Variants in SLC9B2 observed in about 807,000 individuals in gnomAD.
SLC9B2 encodes solute carrier family 9 member B2, also known as sodium/hydrogen exchanger 9B2.
Under a neutral mutation model 52.2 loss-of-function variants are expected in SLC9B2, and 39 were observed. The observed-to-expected ratio is 0.75, with a 90% confidence interval of 0.58 to 0.98. The LOEUF is 0.98. SLC9B2 is among the 50% of genes least tolerant of loss of function. The pLI, the probability that SLC9B2 is intolerant of heterozygous loss-of-function variation, is 0.00. For missense variants in SLC9B2, 626 were observed against 637.5 expected (o/e 0.98, Z 0.19); for synonymous variants, 214 against 227.0 (o/e 0.94, Z 0.51).
intron 10 of SLC9B2, among the ~76,000 whole-genome samples, chr4:103,029,617 T>C (rs889402604): frequency 6.6e-6 from 1 of 152,128 alleles, no homozygotes; most frequent in African/African-American, 2.4e-5. Flanking sequence ...TGTAGAATTC[T>C]TTGCTGATAA....
At chr4:103,041,052 C>T (rs1318471924) in intron 9 of SLC9B2, among the ~76,000 whole-genome samples, 2 of 152,106 alleles carry the variant, frequency 1.3e-5, no homozygotes, top group Admixed American at 6.6e-5. Flanking sequence ...ATGGATAGAA[C>T]TCTAGAAAGC....
At chr4:103,061,627 C>T (rs1437090086) in intron 3 of SLC9B2, among the ~76,000 whole-genome samples, 1 of 151,856 alleles carries the variant, frequency 6.6e-6, no homozygotes, top group Non-Finnish European at 1.5e-5. Flanking sequence ...ACCTGGACGT[C>T]GTGCACATGT....
intron 7 of SLC9B2, among the ~76,000 whole-genome samples, chr4:103,045,623 G>A (rs1010419791): frequency 1.3e-5 from 2 of 152,068 alleles, no homozygotes; most frequent in East Asian, 3.9e-4. Context: ...TTGGTGGGGG[G>A]GTGGGGCGGG....
Position 103,023,404 on chromosome 4 carries a change from G to T in SLC9B2, c.*2966C>A, listed in dbSNP as rs911269528. Among the ~76,000 whole-genome samples the T allele has an allele frequency of 1.3e-5, 2 of 152,172 alleles. No homozygotes were observed. The highest frequency in any genetic ancestry group is 2.4e-5 in the African/African-American group (1 of 41,432). On this transcript the variant is annotated 3_prime_UTR_variant, in exon 12 of 12. Transcript: ENST00000394785. The stretch of plus-strand genomic sequence containing the variant: ...TGTTTCTATCTGTGGTTTAAGAGGG[G>T]ATAGGTTGAGTTGGTCAGTACTCTA...
At chr4:103,049,815 C>T (rs1051744714) in intron 5 of SLC9B2, among the ~76,000 whole-genome samples, 2 of 152,082 alleles carry the variant, frequency 1.3e-5, no homozygotes, top group Non-Finnish European at 2.9e-5. Context: ...AGTTTGAGAC[C>T]AGCCTGGCCA....
At chr4:103,036,584 A>T (rs1743197917) in intron 9 of SLC9B2, among the ~76,000 whole-genome samples, 1 of 152,210 alleles carries the variant, frequency 6.6e-6, no homozygotes, top group Non-Finnish European at 1.5e-5. Flanking sequence ...AAGAAGAGAT[A>T]CAAATAGTCA....
chr4:103,056,316 C>T (rs1745132222), intron 4 of SLC9B2, among the ~76,000 whole-genome samples: 2 of 152,038 alleles, frequency 1.3e-5, no homozygotes, highest in Admixed American at 1.3e-4. Flanking sequence ...GGTGTGATCT[C>T]AGCTCACTGC....
At chr4:103,038,662 C>T (rs897114733) in intron 9 of SLC9B2, among the ~76,000 whole-genome samples, 2 of 152,004 alleles carry the variant, frequency 1.3e-5, no homozygotes, top group Admixed American at 1.3e-4. Context: ...TTTGGAGGAC[C>T]AACAAAGGAG....
chr4:103,057,244 GTATATATATATATA>G (rs56742547), intron 4 of SLC9B2, among the ~76,000 whole-genome samples: 16 of 137,276 alleles, frequency 1.2e-4, no homozygotes, highest in Middle Eastern at 3.8e-3. Flanking sequence ...TTAATTTTAA[GTATATATATATATA>G]TATATATATA....
rs137880778 is a variant in SLC9B2, at chr4:103,028,844, C to T, written c.1295G>A (p.Arg432Gln). 1.1e-4 allele frequency: 184 copies of T among 1,607,652 alleles called. 2 individuals carry two copies. In the African/African-American group the frequency reaches 2.3e-3, roughly 20 times the overall value. Residue 432 changes from arginine to glutamine, a missense_variant, in exon 11 of 12, where the codon CGA becomes CAA. Transcript: ENST00000394785. Reference protein sequence around the residue: ...VATVGIAVLIRILTTFLMVCF... With the variant: ...VATVGIAVLIQILTTFLMVCF... ...CACCATCAGAAATGTAGTCAAAATT[C>T]GTATCAATACTGCAATGCCTACGGT...
intron 10 of SLC9B2, among the ~76,000 whole-genome samples, chr4:103,030,858 A>G (rs538626758): frequency 6.6e-6 from 1 of 152,214 alleles, no homozygotes; most frequent in Admixed American, 6.6e-5. Context: ...CTTTACTCCC[A>G]GCCCCTGGCA....
At position 103,048,810 on chromosome 4, in the gene SLC9B2, C is replaced by A. The variant is rs543864286; in HGVS notation, c.713+83G>T. The A allele has an allele frequency of 3.3e-5, 49 of 1,479,350 alleles. No individual in the cohort carries two copies. In the African/African-American group the frequency reaches 6.1e-4, roughly 18 times the overall value. 91.6% of individuals were successfully genotyped at this position (1,479,350 alleles called of 1,614,324 possible). On this transcript the variant is annotated intron_variant, in intron 6 of 11. Coordinates refer to ENST00000394785, the MANE Select transcript of SLC9B2 (RefSeq NM_178833.7). The stretch of plus-strand genomic sequence containing the variant: ...ATTTTCTGATATCTATAAGAAAATT[C>A]TATTATGCATTCTCTTGTATGCAAT...
rs1743835328 is a variant in SLC9B2, at chr4:103,043,581, C to T, written c.997-136G>A. 5 of 734,914 alleles carry T rather than the reference C, an allele frequency of 6.8e-6. No homozygotes were observed. In the South Asian group the frequency reaches 1.1e-4, roughly 16 times the overall value. The allele number at this position is 734,914 out of a possible 1,614,324, so 45.5% of individuals were successfully genotyped here. A position where few individuals can be genotyped will look rare whatever the true frequency, so the allele number is the denominator to read the frequency against. On this transcript the variant is annotated intron_variant, in intron 8 of 11. Transcript: ENST00000394785. ...ATAAATAGACAAAACAAGTGCACTA[C>T]ATAACATTTACTTTCTCTTCTTAAA... is the stretch of plus-strand genomic sequence containing the variant.
At chr4:103,018,556 T>G (rs1741528631), downstream of SLC9B2, among the ~76,000 whole-genome samples, 1 of 152,166 alleles carries the variant, frequency 6.6e-6, no homozygotes, top group Non-Finnish European at 1.5e-5. Context: ...TATATTTATC[T>G]CTAAGGAAAA....
At chr4:103,069,068 A>G in intron 1 of SLC9B2, among the ~76,000 whole-genome samples, 1 of 152,326 alleles carries the variant, frequency 6.6e-6, no homozygotes. Flanking sequence ...AAATGTTTAT[A>G]TAATGATATA....
chr4:103,076,036 C>T (rs758471861), intron 1 of SLC9B2, 148 bp downstream of exon 1: 1 of 152,330 alleles, frequency 6.6e-6, no homozygotes, highest in African/African-American at 2.4e-5. Context: ...CAACACCTTA[C>T]AACAGTAAAC....
intron 9 of SLC9B2, among the ~76,000 whole-genome samples, chr4:103,041,072 A>G (rs1408305920): frequency 6.6e-6 from 1 of 152,192 alleles, no homozygotes; most frequent in Non-Finnish European, 1.5e-5. Flanking sequence ...CAGTCTGGTA[A>G]TATGTGTCGA....
At chr4:103,065,471 T>C (rs907765844) in intron 3 of SLC9B2, 1 of 152,296 alleles carries the variant, frequency 6.6e-6, no homozygotes, top group Non-Finnish European at 1.5e-5. Flanking sequence ...AAACATCATG[T>C]TGCACATGGT....
intron 4 of SLC9B2, among the ~76,000 whole-genome samples, chr4:103,056,602 C>G (rs1745155996): frequency 6.6e-6 from 1 of 152,124 alleles, no homozygotes; most frequent in African/African-American, 2.4e-5. Context: ...TAACAGGTGG[C>G]TTGCCAAAAA....
Sources: allele counts gnomAD v4.1 joint callset (sites outside exome capture counted in the v4.1 genomes callset), GRCh38; gene constraint gnomAD v4.1.1; transcripts MANE v1.5; gene names NCBI Gene and HGNC (gene_info 2026-07-23, HGNC 2026-07-21).